COL14A1: variants seen among roughly 807,000 people sequenced by gnomAD.
COL14A1 encodes collagen alpha-1(XIV) chain.
A neutral mutation model predicts 230.3 loss-of-function variants in COL14A1; 136 were observed. The ratio of observed to expected loss-of-function variants is 0.59; its 90% CI spans 0.51 to 0.68. COL14A1 has a LOEUF of 0.68. Among genes scored for constraint, COL14A1 ranks in the 30% least tolerant of loss-of-function variants. COL14A1 has a pLI of 0.00. For synonymous variants in COL14A1, 792 were observed against 784.1 expected, an observed-to-expected ratio of 1.01 and a Z score of -0.17; for missense variants, 1,976 against 2,215.8, an observed-to-expected ratio of 0.89 and a Z score of 2.17.
intron 1 of COL14A1, among the ~76,000 whole-genome samples, chr8:120,133,413 G>A (rs913895217): frequency 6.6e-6 from 1 of 152,022 alleles, no homozygotes; most frequent in African/African-American, 2.4e-5. Flanking sequence ...TAGCATATTA[G>A]TAAATAGAAC....
At position 120,281,029 on chromosome 8, in the gene COL14A1, A is replaced by T; in HGVS notation, c.3794A>T (p.His1265Leu). 1 of 1,611,774 alleles carries T rather than the reference A, an allele frequency of 6.2e-7. No individual in the cohort carries two copies. The highest frequency in any genetic ancestry group is 8.5e-7 in the Non-Finnish European group (1 of 1,178,996). The change falls in exon 31 of 48, where the codon CAT becomes CTT. Residue 1265 changes from histidine to leucine, a missense_variant. His to Leu is a moderately conservative substitution (Grantham distance 99, BLOSUM62 -3). Transcript: ENST00000297848. ...AATGTGTTTCCATGTTACCAACTCCATAAAGATGCCCTGGTTTCCCAGCCA... is the reference window on the plus strand; with the variant it reads ...AATGTGTTTCCATGTTACCAACTCCTTAAAGATGCCCTGGTTTCCCAGCCA... ...TFNVFPCYQLHKDALVSQPTR... is the reference protein window; with the variant it reads ...TFNVFPCYQLLKDALVSQPTR...
chr8:120,128,528 A>G (rs1307646938), intron 1 of COL14A1, among the ~76,000 whole-genome samples: 2 of 152,192 alleles, frequency 1.3e-5, no homozygotes, highest in Non-Finnish European at 2.9e-5. Context: ...TGAGGTCAAG[A>G]GTTCAAGGCC....
intron 36 of COL14A1, among the ~76,000 whole-genome samples, chr8:120,304,780 C>G (rs550146895): frequency 1.3e-5 from 2 of 152,256 alleles, no homozygotes; most frequent in Admixed American, 6.5e-5. Flanking sequence ...AAGAATAACA[C>G]CCAGGGTATA....
intron 40 of COL14A1, among the ~76,000 whole-genome samples, chr8:120,327,419 A>G (rs1312233069): frequency 2.0e-5 from 3 of 151,848 alleles, no homozygotes; most frequent in Non-Finnish European, 4.4e-5. Context: ...ATAACTCACT[A>G]CTCTACCTAA....
At position 120,143,340 on chromosome 8, in the gene COL14A1, C is replaced by T. The variant is rs192327439; in HGVS notation, c.-37-4466C>T. ...CAATTAAAAAATACTTGGGACTGGC[C>T]GGGCACAGTGGCTCACGCCTGTAAA... On this transcript the variant is annotated intron_variant, in intron 1 of 47. Coordinates refer to ENST00000297848, the MANE Select transcript of COL14A1 (RefSeq NM_021110.4). Among the ~76,000 whole-genome samples, 15 of 152,270 alleles carry T rather than the reference C, an allele frequency of 9.9e-5. No individual in the cohort carries two copies. The East Asian group carries it at 2.3e-3, about 24-fold the overall frequency.
At chr8:120,255,735 G>A (rs1819127271) in intron 23 of COL14A1, among the ~76,000 whole-genome samples, 1 of 151,718 alleles carries the variant, frequency 6.6e-6, no homozygotes, top group South Asian at 2.1e-4. Context: ...CTCTAATTTG[G>A]GTATTCACTC....
chr8:120,230,331 T>A (rs1369424178), intron 18 of COL14A1, among the ~76,000 whole-genome samples: 2 of 152,292 alleles, frequency 1.3e-5, no homozygotes, highest in East Asian at 3.9e-4. Context: ...GCTGTCAGAG[T>A]CAACTTGGTA....
chr8:120,200,715 TTATATATATATATA>T (rs34177030), intron 8 of COL14A1, among the ~76,000 whole-genome samples: 6,657 of 85,236 alleles, frequency 0.078, 326 homozygotes, highest in Middle Eastern at 0.11. Context: ...GTTTTCCTAT[TTATATATATATATA>T]TATATATATA....
At chr8:120,265,032 G>T (rs1819462844) in intron 24 of COL14A1, among the ~76,000 whole-genome samples, 1 of 152,046 alleles carries the variant, frequency 6.6e-6, no homozygotes, top group South Asian at 2.1e-4. Flanking sequence ...CATTGGTTCT[G>T]GTTCAACCTT....
intron 22 of COL14A1, among the ~76,000 whole-genome samples, chr8:120,251,760 A>G (rs1301523948): frequency 1.3e-5 from 2 of 152,046 alleles, no homozygotes; most frequent in Non-Finnish European, 2.9e-5. Flanking sequence ...TTTCTCCTCT[A>G]CTAGCTTTTT....
chr8:120,237,525 G>T (rs1035577068), intron 19 of COL14A1, among the ~76,000 whole-genome samples: 7 of 152,134 alleles, frequency 4.6e-5, no homozygotes, highest in African/African-American at 1.7e-4. Flanking sequence ...CTTTTATCAA[G>T]GTTCTTAGCT....
At chr8:120,174,512 A>C (rs1180625912) in intron 5 of COL14A1, among the ~76,000 whole-genome samples, 1 of 152,234 alleles carries the variant, frequency 6.6e-6, no homozygotes, top group Non-Finnish European at 1.5e-5. Flanking sequence ...CAAATGTTCT[A>C]ATAAATACCA....
intron 20 of COL14A1, among the ~76,000 whole-genome samples, chr8:120,246,038 G>A (rs1006188350): frequency 6.6e-6 from 1 of 152,168 alleles, no homozygotes; most frequent in African/African-American, 2.4e-5. Flanking sequence ...TTACCAAATG[G>A]TGACATGTGG....
intron 38 of COL14A1, among the ~76,000 whole-genome samples, chr8:120,314,727 T>G (rs375223432): frequency 6.6e-6 from 1 of 152,232 alleles, no homozygotes; most frequent in South Asian, 2.1e-4. Flanking sequence ...CCTACAGTGT[T>G]ATTTTTACAT....
At chr8:120,307,530 G>A (rs1264923322) in intron 36 of COL14A1, among the ~76,000 whole-genome samples, 1 of 152,056 alleles carries the variant, frequency 6.6e-6, no homozygotes, top group Non-Finnish European at 1.5e-5. Flanking sequence ...CCATCACCAA[G>A]CAATTTATGA....
chr8:120,176,738 G>T (rs1816295199), intron 5 of COL14A1, among the ~76,000 whole-genome samples: 1 of 152,140 alleles, frequency 6.6e-6, no homozygotes, highest in Non-Finnish European at 1.5e-5. Flanking sequence ...GGACATTGGG[G>T]TTAAGTGTGG....
chr8:120,350,603 C>A, intron 45 of COL14A1, among the ~76,000 whole-genome samples: 1 of 150,536 alleles, frequency 6.6e-6, no homozygotes. Flanking sequence ...TCTGATAAAA[C>A]AGACTTTAAA....
At chr8:120,243,580 G>A (rs1483260296) in intron 19 of COL14A1, among the ~76,000 whole-genome samples, 12 of 152,152 alleles carry the variant, frequency 7.9e-5, no homozygotes, top group Admixed American at 7.2e-4. Flanking sequence ...ATCTAAACAG[G>A]CCATTATTCT....
At chr8:120,198,769 G>A (rs899004446) in intron 7 of COL14A1, among the ~76,000 whole-genome samples, 2 of 152,228 alleles carry the variant, frequency 1.3e-5, no homozygotes, top group Non-Finnish European at 2.9e-5. Flanking sequence ...ATGAAGCAAT[G>A]TAGATGTTGT....
Sources: allele counts gnomAD v4.1 joint callset (sites outside exome capture counted in the v4.1 genomes callset), GRCh38; gene constraint gnomAD v4.1.1; transcripts MANE v1.5; gene names NCBI Gene and HGNC (gene_info 2026-07-23, HGNC 2026-07-21).